The following TRMT5 variants were observed in gnomAD, a reference collection of about 807,000 sequenced individuals.
TRMT5 encodes tRNA (guanine(37)-N(1))-methyltransferase.
Under a neutral mutation model 42.2 loss-of-function variants are expected in TRMT5, and 31 were observed. The observed-to-expected ratio is 0.73, with a 90% CI of 0.55 to 0.99. The LOEUF (loss-of-function observed/expected upper bound fraction) is 0.99, where lower values mean the gene tolerates loss of function less well. Ranked by LOEUF, TRMT5 falls within the 50% of genes least tolerant of loss-of-function variation. The probability of loss-of-function intolerance (pLI) is 0.00; values close to 1 mark genes in which losing one functional copy is unlikely to be tolerated. For missense variants in TRMT5, 568 were observed against 595.0 expected, an observed-to-expected ratio of 0.95 and a Z score of 0.47; for synonymous variants, 198 against 209.6, an observed-to-expected ratio of 0.94 and a Z score of 0.48.
In TRMT5 at chr14:60,973,852, G is replaced by C. The variant is rs997268696; in HGVS notation, c.*1257C>G. 2.6e-5 allele frequency: 4 copies of C among 152,176 alleles called. No homozygotes were observed. Among genetic ancestry groups the C allele is most frequent in the African/African-American group, 7.2e-5 (3 of 41,424 alleles). The allele number at this position is 152,176 out of a possible 1,614,324, so 9.4% of individuals were successfully genotyped here. A position where few individuals can be genotyped will look rare whatever the true frequency, so the allele number is the denominator to read the frequency against. On this transcript the variant is annotated 3_prime_UTR_variant, in exon 5 of 5. Coordinates refer to ENST00000261249, the MANE Select transcript of TRMT5 (RefSeq NM_020810.3). Reference sequence around the variant, plus strand: ...ATTCACACCATCAATAAATGGCTTTGCTTGGCTAACAAATGATTGACTTAG... The same window carrying C: ...ATTCACACCATCAATAAATGGCTTTCCTTGGCTAACAAATGATTGACTTAG...
At chr14:60,977,489 CT>C (rs1315267248) in intron 3 of TRMT5, 24 bp downstream of exon 3, 7 of 1,586,500 alleles carry the variant, frequency 4.4e-6, no homozygotes, top group African/African-American at 2.7e-5. Context: ...TGATATACAC[CT>C]TACTTGGAGA....
chr14:60,972,169 A>G lies in TRMT5; in HGVS notation c.*2940T>C, dbSNP rs1284331525. ...TAAAAAAAGTAAAACAAAATTCTGC[A>G]TTTTTATAAAACTTGATAAAGAATA... On this transcript the variant is annotated 3_prime_UTR_variant, in exon 5 of 5. Coordinates refer to ENST00000261249, the MANE Select transcript of TRMT5 (RefSeq NM_020810.3). 2 of 423,598 alleles carry G rather than the reference A, an allele frequency of 4.7e-6. No individual in the cohort carries two copies. Among genetic ancestry groups the G allele is most frequent in the African/African-American group, 2.1e-5 (1 of 48,056 alleles). The allele number at this position is 423,598 out of a possible 1,614,324, so 26.2% of individuals were successfully genotyped here. A position where few individuals can be genotyped will look rare whatever the true frequency, so the allele number is the denominator to read the frequency against.
At position 60,976,080 on chromosome 14, in the gene TRMT5, T is replaced by C. The variant is rs1162285615; in HGVS notation, c.839A>G (p.Tyr280Cys). The change falls in exon 4 of 5, where the codon TAT becomes TGT. Residue 280 changes from tyrosine to cysteine, a missense_variant. Physicochemically the swap from Tyr to Cys is radical, Grantham distance 194. Coordinates refer to ENST00000261249, the MANE Select transcript of TRMT5 (RefSeq NM_020810.3). ...YTYEFDFSKV[Y>C]WNPRLSTEHS... ...TTCTGTAGACAGACGAGGATTCCAA[T>C]AGACTTTTGAAAAATCAAATTCATA... 2.5e-6 allele frequency: 4 copies of C among 1,611,688 alleles called. No individual in the cohort carries two copies. The highest frequency in any genetic ancestry group is 1.3e-5 in the African/African-American group (1 of 74,778).
Position 60,975,644 on chromosome 14 carries a change from A to G in TRMT5, c.1275T>C (p.Ala425=). The G allele has an allele frequency of 6.2e-7, 1 of 1,614,242 alleles. No homozygotes were observed. The highest frequency in any genetic ancestry group is 8.5e-7 in the Non-Finnish European group (1 of 1,180,046). The change falls in exon 4 of 5, where the codon GCT becomes GCC. Residue 425 remains alanine, a synonymous_variant. Coordinates refer to ENST00000261249, the MANE Select transcript of TRMT5 (RefSeq NM_020810.3). The stretch of plus-strand genomic sequence containing the variant: ...TTTGCCGAACATCCTCAGCAGGGTT[A>G]GCATCTTTGGAAAAGCTATAACAAT... ...IVHCYSFSKD[A]NPAEDVRQRA... is the part of the protein sequence containing the mutation.
In TRMT5 at chr14:60,975,070, C is replaced by G. The variant is rs763398150; in HGVS notation, c.*39G>C. On this transcript the variant is annotated 3_prime_UTR_variant, in exon 5 of 5. Coordinates refer to ENST00000261249, the MANE Select transcript of TRMT5 (RefSeq NM_020810.3). ...AAATAATACAAATTCTATTTCACTACATGTAAGTCTGGTAGGGAGATGGAG... is the reference window on the plus strand; with the variant it reads ...AAATAATACAAATTCTATTTCACTAGATGTAAGTCTGGTAGGGAGATGGAG... 13 of 1,485,554 alleles carry G rather than the reference C, an allele frequency of 8.8e-6. No individual in the cohort carries two copies. The highest frequency in any genetic ancestry group is 1.2e-5 in the Non-Finnish European group (13 of 1,083,048). The allele number at this position is 1,485,554 out of a possible 1,614,324, so 92.0% of individuals were successfully genotyped here.
In TRMT5 at chr14:60,975,509, G is replaced by A. The variant is rs1173644371; in HGVS notation, c.1410C>T (p.Ala470=). 5 of 1,614,040 alleles carry A rather than the reference G, an allele frequency of 3.1e-6. No individual in the cohort carries two copies. In the Admixed American group the frequency reaches 8.3e-5, roughly 27 times the overall value. ...EMLCITFQIP[A]SVLYKNQTRN... is the part of the protein sequence containing the mutation. ...TGGTCTGGTTCTTGTAGAGGACAGA[G>A]GCAGGAATCTGAAACGTGATGCACA... Residue 470 remains alanine, a synonymous_variant, in exon 4 of 5, where the codon GCC becomes GCT. Coordinates refer to ENST00000261249, the MANE Select transcript of TRMT5 (RefSeq NM_020810.3).
At position 60,981,000 on chromosome 14, in the gene TRMT5, T is replaced by C; in HGVS notation, c.-27A>G. On this transcript the variant is annotated 5_prime_UTR_variant, in exon 1 of 5. Transcript: ENST00000261249. ...CCAATTCCCCACGTCGCTCTGCAGC[T>C]GGATCCGCGAGCCGACCCCTCACCT... The C allele has an allele frequency of 6.2e-7, 1 of 1,610,336 alleles. No homozygotes were observed. Among genetic ancestry groups the C allele is most frequent in the Non-Finnish European group, 8.5e-7 (1 of 1,179,932 alleles).
chr14:60,975,755 C>G lies in TRMT5; in HGVS notation c.1164G>C (p.Leu388Phe), dbSNP rs769842678. The change falls in exon 4 of 5, where the codon TTG (leucine) becomes TTC (phenylalanine). Residue 388 changes from leucine (L) to phenylalanine (F), a missense_variant. Coordinates refer to ENST00000261249, the MANE Select transcript of TRMT5 (RefSeq NM_020810.3). Reference protein sequence around the residue: ...RKPSVHVVMNLPAKAIEFLSA... With the variant: ...RKPSVHVVMNFPAKAIEFLSA... ...TAAGAAACTCTATAGCTTTTGCTGG[C>G]AAGTTCATGACAACGTGCACAGAGG... The G allele has an allele frequency of 5.0e-6, 8 of 1,614,102 alleles. No homozygotes were observed. The highest frequency in any genetic ancestry group is 2.2e-5 in the East Asian group (1 of 44,904).
At chr14:60,977,724 G>C in intron 2 of TRMT5, 86 bp from the exon 3 acceptor site, 2 of 1,346,808 alleles carry the variant, frequency 1.5e-6, no homozygotes, top group Non-Finnish European at 2.0e-6. Flanking sequence ...GAAATGAGTT[G>C]TATTTCTTTT....
rs1342793728 is a variant in TRMT5, at chr14:60,972,390, G to A, written c.*2719C>T. On this transcript the variant is annotated 3_prime_UTR_variant, in exon 5 of 5. Transcript: ENST00000261249. ...AGGAGCAGGTTTAGCAGACAACCTC[G>A]CAGATCTTCTCTGTGATTCATCCTT... 3.0e-5 allele frequency: 16 copies of A among 539,166 alleles called. No individual in the cohort carries two copies. Among genetic ancestry groups the A allele is most frequent in the Non-Finnish European group, 6.0e-5 (16 of 267,012 alleles). The allele number at this position is 539,166 out of a possible 1,614,324, so 33.4% of individuals were successfully genotyped here. A position where few individuals can be genotyped will look rare whatever the true frequency, so the allele number is the denominator to read the frequency against.
intron 3 of TRMT5, 91 bp downstream of exon 3, chr14:60,977,423 T>C (rs997943469): frequency 1.1e-5 from 14 of 1,321,554 alleles, no homozygotes; most frequent in Middle Eastern, 5.6e-4. Flanking sequence ...TCACCAACAC[T>C]GGATGTTACA....
Position 60,979,491 on chromosome 14 carries a change from C to T in TRMT5, c.407G>A (p.Arg136Lys), listed in dbSNP as rs994631943. The change falls in exon 2 of 5, where the codon AGA becomes AAA. Residue 136 changes from arginine (R) to lysine (K), a missense_variant. Physicochemically the swap from Arg to Lys is conservative, Grantham distance 26. Transcript: ENST00000261249. ...TTTATAGGGATCCAACATGATTAGTCTACTTTCTTTATCTTCCGGATCTTC... is the reference window on the plus strand; with the variant it reads ...TTTATAGGGATCCAACATGATTAGTTTACTTTCTTTATCTTCCGGATCTTC... ...VIEDPEDKES[R>K]LIMLDPYKIF... 3.7e-6 allele frequency: 6 copies of T among 1,614,160 alleles called. No individual in the cohort carries two copies. In the South Asian group the frequency reaches 4.4e-5, roughly 12 times the overall value.
chr14:60,980,883 G>A (rs1330864150), intron 1 of TRMT5, 80 bp downstream of exon 1: 24 of 1,602,716 alleles, frequency 1.5e-5, no homozygotes, highest in Non-Finnish European at 2.0e-5. Flanking sequence ...CTGTGCCCAG[G>A]CAGCACATGG....
At chr14:60,975,384 A>T (rs1483180666) in intron 4 of TRMT5, 91 bp downstream of exon 4, 1 of 1,488,078 alleles carries the variant, frequency 6.7e-7, no homozygotes, top group Non-Finnish European at 9.1e-7. Context: ...TATTAGACTG[A>T]ACTAATACTG....
rs1182746262 is a variant in TRMT5, at chr14:60,974,349, T to C, written c.*760A>G. 2 of 152,186 alleles carry C rather than the reference T, an allele frequency of 1.3e-5. No individual in the cohort carries two copies. The highest frequency in any genetic ancestry group is 2.4e-5 in the African/African-American group (1 of 41,418). 9.4% of individuals were successfully genotyped at this position (152,186 alleles called of 1,614,324 possible). On this transcript the variant is annotated 3_prime_UTR_variant, in exon 5 of 5. Transcript: ENST00000261249. ...GCAGTCCTCACTTCAGCAGCACATATACTAAAAAACTGGAATGGTACAGAG... is the reference window on the plus strand; with the variant it reads ...GCAGTCCTCACTTCAGCAGCACATACACTAAAAAACTGGAATGGTACAGAG...
At chr14:60,975,260 C>A in intron 4 of TRMT5, 66 bp from the exon 5 acceptor site, 1 of 1,419,614 alleles carries the variant, frequency 7.0e-7, no homozygotes, top group Non-Finnish European at 9.6e-7. Context: ...CTTAAAAAAA[C>A]AAACAATATA....
At position 60,979,622 on chromosome 14, in the gene TRMT5, C is replaced by T; in HGVS notation, c.276G>A (p.Lys92=). The change falls in exon 2 of 5, where the codon AAG becomes AAA. Residue 92 remains lysine (K), a synonymous_variant. Transcript: ENST00000261249. ...MTKLDRTAFK[K]TVNIPVLKVR... is the part of the protein sequence containing the mutation. The stretch of plus-strand genomic sequence containing the variant: ...CTTTAAGCACTGGAATGTTGACTGT[C>T]TTTTTAAAAGCTGTTCTATCAAGTT... 6.2e-7 allele frequency: 1 copy of T among 1,614,146 alleles called. No individual in the cohort carries two copies. The highest frequency in any genetic ancestry group is 8.5e-7 in the Non-Finnish European group (1 of 1,180,020).
upstream of TRMT5, chr14:60,981,143 CCTTCCAG>C (rs1180744706): frequency 6.5e-7 from 1 of 1,543,856 alleles, no homozygotes; most frequent in Admixed American, 2.0e-5. Flanking sequence ...TCGCTCCTCT[CCTTCCAG>C]GCCCTGGTGA....
At chr14:60,980,840 G>C (rs1367822412) in intron 1 of TRMT5, 123 bp downstream of exon 1, 1 of 1,443,014 alleles carries the variant, frequency 6.9e-7, no homozygotes, top group Admixed American at 1.7e-5. Flanking sequence ...ACTAAGCTCA[G>C]CACCTAGGCG....
Sources: allele counts gnomAD v4.1 joint callset, GRCh38; gene constraint gnomAD v4.1.1; transcripts MANE v1.5; gene names NCBI Gene and HGNC (gene_info 2026-07-23, HGNC 2026-07-21).